Variants in FANCI observed in about 807,000 individuals in gnomAD.
FANCI encodes Fanconi anemia group I protein.
FANCI carries 156 observed loss-of-function variants against 176.1 expected under a neutral mutation model. The ratio of observed to expected loss-of-function variants is 0.89; its 90% CI spans 0.78 to 1.01. The LOEUF is 1.01. FANCI is among the 50% of genes least tolerant of loss of function. FANCI has a pLI of 0.00. For synonymous variants in FANCI, 613 were observed against 541.7 expected (o/e 1.13, Z -1.83); for missense variants, 1,678 against 1,534.1 (o/e 1.09, Z -1.57).
At chr15:89,248,128 T>G (rs2052072088) in intron 2 of FANCI, among the ~76,000 whole-genome samples, 1 of 152,248 alleles carries the variant, frequency 6.6e-6, no homozygotes, top group Non-Finnish European at 1.5e-5. Flanking sequence ...AAATTAAGTT[T>G]ATAAGCGGCA....
chr15:89,291,368 A>G (rs1401221983), intron 19 of FANCI, among the ~76,000 whole-genome samples: 1 of 152,162 alleles, frequency 6.6e-6, no homozygotes, highest in Non-Finnish European at 1.5e-5. Flanking sequence ...TGTTGATTGC[A>G]TGTACAAGTT....
rs922257483 is a variant in FANCI at position 89,276,634 on chromosome 15, A to G, written c.1113-77A>G. Reference sequence around the variant, plus strand: ...TATCTAGGTCAAGTTTGGGAAATGTATAACAGGGCAATGAGTATAAAGGTA... The same window carrying G: ...TATCTAGGTCAAGTTTGGGAAATGTGTAACAGGGCAATGAGTATAAAGGTA... On this transcript the variant is annotated intron_variant, in intron 12 of 37. Coordinates refer to ENST00000310775, the MANE Select transcript of FANCI (RefSeq NM_001113378.2). 5.9e-6 allele frequency: 9 copies of G among 1,519,794 alleles called. No homozygotes were observed. In the South Asian group the frequency reaches 7.9e-5, roughly 13 times the overall value. 94.1% of individuals were successfully genotyped at this position (1,519,794 alleles called of 1,614,324 possible).
In FANCI at chr15:89,290,261, A is replaced by G. The variant is rs772744597; in HGVS notation, c.1870A>G (p.Met624Val). 6.2e-7 allele frequency: 1 copy of G among 1,613,800 alleles called. No individual in the cohort carries two copies. The change falls in exon 19 of 38, where the codon ATG becomes GTG. Residue 624 changes from methionine to valine, a missense_variant. By Grantham distance (21) the Met-to-Val change is conservative. Coordinates refer to ENST00000310775, the MANE Select transcript of FANCI (RefSeq NM_001113378.2). ...RRNSQLANSV[M>V]QTLLSQLKQF... ...GAACTCTCAGCTGGCTAATTCAGTCATGCAAACTCTGCTCTCACAGGTAAA... is the reference window on the plus strand; with the variant it reads ...GAACTCTCAGCTGGCTAATTCAGTCGTGCAAACTCTGCTCTCACAGGTAAA...
chr15:89,278,117 G>C (rs934767134), intron 13 of FANCI, among the ~76,000 whole-genome samples: 9 of 152,106 alleles, frequency 5.9e-5, no homozygotes, highest in African/African-American at 2.2e-4. Flanking sequence ...CTTTATCAAG[G>C]CATCTTTATA....
At chr15:89,294,283 A>G (rs1357478488) in intron 23 of FANCI, among the ~76,000 whole-genome samples, 3 of 152,184 alleles carry the variant, frequency 2.0e-5, no homozygotes, top group East Asian at 3.8e-4. Flanking sequence ...ACAAGATAAC[A>G]GATATAAAAA....
chr15:89,289,335 T>G (rs2053964949), intron 18 of FANCI, among the ~76,000 whole-genome samples: 1 of 152,184 alleles, frequency 6.6e-6, no homozygotes, highest in African/African-American at 2.4e-5. Context: ...TCTCACTCTG[T>G]TGCCCAGACT....
chr15:89,300,535 A>C (rs2054488562), intron 26 of FANCI, 150 bp downstream of exon 26: 2 of 694,000 alleles, frequency 2.9e-6, no homozygotes, highest in African/African-American at 1.8e-5. Context: ...AGCTCTCAGA[A>C]TGGAAGATAA....
intron 25 of FANCI, 90 bp from the exon 26 acceptor site, chr15:89,300,208 CTT>C (rs1162199537): frequency 1.0e-5 from 13 of 1,290,902 alleles, no homozygotes; most frequent in Non-Finnish European, 1.4e-5. Context: ...TGCCTTTAGA[CTT>C]TTTTTTGGCT....
At position 89,283,226 on chromosome 15, in the gene FANCI, C is replaced by T; in HGVS notation, c.1674C>T (p.Cys558=). ...KVLGSLSSSQ[C]SQSLSVSQVH... is the part of the protein sequence containing the mutation. ...TAGGCAGCCTGTCATCCTCTCAGTGCAGTCAGTCTCTCAGTGTCAGTCAGG... is the reference window on the plus strand; with the variant it reads ...TAGGCAGCCTGTCATCCTCTCAGTGTAGTCAGTCTCTCAGTGTCAGTCAGG... The change falls in exon 17 of 38, where the codon TGC becomes TGT. Residue 558 remains cysteine, a synonymous_variant. Coordinates refer to ENST00000310775, the MANE Select transcript of FANCI (RefSeq NM_001113378.2). 6.2e-7 allele frequency: 1 copy of T among 1,613,854 alleles called. No homozygotes were observed. Among genetic ancestry groups the T allele is most frequent in the South Asian group, 1.1e-5 (1 of 91,082 alleles).
At position 89,274,152 on chromosome 15, in the gene FANCI, A is replaced by G; in HGVS notation, c.976-16A>G. On this transcript the variant is annotated splice_polypyrimidine_tract_variant and intron_variant, in intron 11 of 37. Transcript: ENST00000310775. ...TTTATTTATTTTTTCATTTATTTTTATTAACTATACTCAAGGTGCTTGATC... is the reference window on the plus strand; with the variant it reads ...TTTATTTATTTTTTCATTTATTTTTGTTAACTATACTCAAGGTGCTTGATC... 4 of 1,516,896 alleles carry G rather than the reference A, an allele frequency of 2.6e-6. No individual in the cohort carries two copies. The highest frequency in any genetic ancestry group is 3.6e-6 in the Non-Finnish European group (4 of 1,123,122). The allele number at this position is 1,516,896 out of a possible 1,614,324, so 94.0% of individuals were successfully genotyped here.
chr15:89,261,916 C>G, intron 6 of FANCI, 38 bp downstream of exon 6: 3 of 1,595,288 alleles, frequency 1.9e-6, no homozygotes. Flanking sequence ...CTTAGGAATA[C>G]AAGTGGCGGA....
At chr15:89,257,982 T>C (rs1244892353) in intron 2 of FANCI, among the ~76,000 whole-genome samples, 2 of 152,218 alleles carry the variant, frequency 1.3e-5, no homozygotes, top group African/African-American at 2.4e-5. Context: ...CCATGGCCTG[T>C]AAGATTCTTC....
At chr15:89,244,983 TAAAC>T (rs1416488362) in intron 1 of FANCI, among the ~76,000 whole-genome samples, 1 of 152,174 alleles carries the variant, frequency 6.6e-6, no homozygotes, top group African/African-American at 2.4e-5. Flanking sequence ...GATACAATGA[TAAAC>T]AAAACCAGCT....
At chr15:89,263,764 C>A in intron 7 of FANCI, 139 bp from the exon 8 acceptor site, 1 of 1,016,604 alleles carries the variant, frequency 9.8e-7, no homozygotes, top group Non-Finnish European at 1.5e-6. Context: ...AATCTATTAT[C>A]TCTTTAATTC....
At chr15:89,262,535 T>TGGAG (rs1411419919) in intron 6 of FANCI, among the ~76,000 whole-genome samples, 19 of 152,318 alleles carry the variant, frequency 1.2e-4, no homozygotes, top group Non-Finnish European at 2.8e-4. Flanking sequence ...AAGAGATTAC[T>TGGAG]ATGTTATATA....
chr15:89,316,128 A>G (rs181961676), intron 37 of FANCI, among the ~76,000 whole-genome samples: 126 of 152,318 alleles, frequency 8.3e-4, no homozygotes, highest in African/African-American at 2.7e-3. Flanking sequence ...TTTGATGTCA[A>G]TGGCTTCTTC....
intron 9 of FANCI, among the ~76,000 whole-genome samples, chr15:89,265,354 C>T (rs568031980): frequency 2.0e-5 from 3 of 151,682 alleles, no homozygotes; most frequent in South Asian, 4.2e-4. Flanking sequence ...ACTACAGGTG[C>T]GCACCACTAC....
At chr15:89,305,820 T>A in intron 31 of FANCI, 122 bp downstream of exon 31, 1 of 1,177,450 alleles carries the variant, frequency 8.5e-7, no homozygotes. Flanking sequence ...AGCTAGATTT[T>A]TTCCTATGTG....
rs753059359 is a variant in FANCI, at chr15:89,290,276, T to C, written c.1885T>C (p.Ser629Pro). 1 of 1,612,470 alleles carries C rather than the reference T, an allele frequency of 6.2e-7. No individual in the cohort carries two copies. Among genetic ancestry groups the C allele is most frequent in the Non-Finnish European group, 8.5e-7 (1 of 1,178,496 alleles). Reference protein sequence around the residue: ...LANSVMQTLLSQLKQFYEPKP... With the variant: ...LANSVMQTLLPQLKQFYEPKP... ...TAATTCAGTCATGCAAACTCTGCTC[T>C]CACAGGTAAAATACATTTTTATGGA... The change falls in exon 19 of 38, where the codon TCA (serine) becomes CCA (proline). Residue 629 changes from serine (S) to proline (P), a missense_variant. Physicochemically the swap from Ser to Pro is moderately conservative, Grantham distance 74. Coordinates refer to ENST00000310775, the MANE Select transcript of FANCI (RefSeq NM_001113378.2).
Sources: allele counts gnomAD v4.1 joint callset (sites outside exome capture counted in the v4.1 genomes callset), GRCh38; gene constraint gnomAD v4.1.1; transcripts MANE v1.5; gene names NCBI Gene and HGNC (gene_info 2026-07-23, HGNC 2026-07-21).